LYST: variants seen among roughly 807,000 people sequenced by gnomAD.
LYST encodes lysosomal-trafficking regulator.
LYST carries 192 observed loss-of-function variants against 413.6 expected under a neutral mutation model. The observed-to-expected ratio is 0.46, with a 90% confidence interval of 0.41 to 0.52. The LOEUF (loss-of-function observed/expected upper bound fraction) is 0.52. LYST is among the 20% of genes least tolerant of loss of function. LYST has a pLI of 0.00. For synonymous variants in LYST, 1,525 were observed against 1,567.3 expected, an observed-to-expected ratio of 0.97 and a Z score of 0.64; for missense variants, 3,815 against 4,499.9, an observed-to-expected ratio of 0.85 and a Z score of 4.35.
chr1:235,826,791 C>T (rs1314164745), intron 3 of LYST, among the ~76,000 whole-genome samples: 4 of 152,182 alleles, frequency 2.6e-5, no homozygotes, highest in Non-Finnish European at 5.9e-5. Flanking sequence ...AAGCAATCCT[C>T]TCACCTCAGC....
chr1:235,818,059 C>T (rs1382268318), intron 3 of LYST, among the ~76,000 whole-genome samples: 1 of 152,030 alleles, frequency 6.6e-6, no homozygotes, highest in Non-Finnish European at 1.5e-5. Context: ...AGAAATTTGT[C>T]ATTTCATGAT....
intron 19 of LYST, among the ~76,000 whole-genome samples, chr1:235,772,738 A>T (rs1668835783): frequency 1.3e-5 from 2 of 152,074 alleles, no homozygotes; most frequent in Non-Finnish European, 2.9e-5. Flanking sequence ...AAGTGTATCC[A>T]TTTCCCTCTC....
chr1:235,864,172 T>C (rs1469181227), intron 1 of LYST, among the ~76,000 whole-genome samples: 1 of 152,108 alleles, frequency 6.6e-6, no homozygotes, highest in East Asian at 1.9e-4. Context: ...GTATTCGGAG[T>C]TGAGCCCAGT....
Position 235,741,538 on chromosome 1 carries a change from G to C in LYST, c.8242C>G (p.Leu2748Val), listed in dbSNP as rs750778817. The stretch of plus-strand genomic sequence containing the variant: ...TGGGCTGGCGACAAAATATGCACTA[G>C]TAGTCTCCCAAGCTGCATTCGGAAG... The part of the protein sequence containing the change: ...ETFRMQLGRL[L>V]VHILSPAHAA... The change falls in exon 31 of 53, where the codon CTA becomes GTA. Residue 2748 changes from leucine (L) to valine (V), a missense_variant. Around this residue, in one of 4 missense-constraint regions of LYST, gnomAD observed 771 missense variants for 837.1 expected, o/e 0.92. Coordinates refer to ENST00000389793, the MANE Select transcript of LYST (RefSeq NM_000081.4). 1.3e-5 allele frequency: 21 copies of C among 1,613,918 alleles called. No individual in the cohort carries two copies. Among genetic ancestry groups the C allele is most frequent in the Non-Finnish European group, 1.1e-5 (13 of 1,179,856 alleles).
intron 10 of LYST, among the ~76,000 whole-genome samples, chr1:235,797,269 T>G (rs1308134344): frequency 6.6e-6 from 1 of 152,196 alleles, no homozygotes; most frequent in Non-Finnish European, 1.5e-5. Flanking sequence ...CACAATGGAA[T>G]GTTATTTCAG....
In LYST at chr1:235,766,066, T is replaced by C. The variant is rs1337106894; in HGVS notation, c.6121+13A>G. ...GGAAATAGCCATGATCTAACAAAAA[T>C]GATTATACCTACCTATGTGCAAAGA... On this transcript the variant is annotated intron_variant, in intron 21 of 52. Coordinates refer to ENST00000389793, the MANE Select transcript of LYST (RefSeq NM_000081.4). 1 of 1,595,082 alleles carries C rather than the reference T, an allele frequency of 6.3e-7. No homozygotes were observed. The highest frequency in any genetic ancestry group is 2.2e-5 in the East Asian group (1 of 44,752).
intron 31 of LYST, among the ~76,000 whole-genome samples, chr1:235,741,016 T>C (rs1665346795): frequency 6.6e-6 from 1 of 152,224 alleles, no homozygotes; most frequent in Non-Finnish European, 1.5e-5. Flanking sequence ...AATTTTTATC[T>C]ATTTTAACTG....
Position 235,805,826 on chromosome 1 carries a change from G to A in LYST, c.3310C>T (p.Arg1104Ter), listed in dbSNP as rs80338652. The change falls in exon 6 of 53, where the codon CGA becomes TGA. Residue 1104 changes from arginine (R) to a stop codon, truncating the protein, a stop_gained. Coordinates refer to ENST00000389793, the MANE Select transcript of LYST (RefSeq NM_000081.4). LOFTEE classifies it high-confidence loss of function. ...ATGGCCAGAAGGGCTTCCAAAAGTCGTATACTTTGAAGTGAGGTCTCACTT... is the reference window on the plus strand; with the variant it reads ...ATGGCCAGAAGGGCTTCCAAAAGTCATATACTTTGAAGTGAGGTCTCACTT... The part of the protein sequence containing the change: ...QESETSLQSI[R>*]LLEALLAICL... 6.2e-6 allele frequency: 10 copies of A among 1,613,426 alleles called. No homozygotes were observed. Among genetic ancestry groups the A allele is most frequent in the African/African-American group, 2.7e-5 (2 of 74,854 alleles).
At chr1:235,802,769 G>T in intron 8 of LYST, 139 bp downstream of exon 8, 1 of 760,986 alleles carries the variant, frequency 1.3e-6, no homozygotes, top group Non-Finnish European at 2.2e-6. Context: ...CTGTTGGGAA[G>T]ATCAATAAAA....
chr1:235,752,126 T>C lies in LYST; in HGVS notation c.7506A>G (p.Gln2502=), dbSNP rs140434436. Residue 2502 remains glutamine, a synonymous_variant, in exon 27 of 53, where the codon CAA becomes CAG. Transcript: ENST00000389793. ...CATGAATTGTAACTGCTATGAAAAGTTGCTGTATATCACAAGCAAGCAATT... is the reference window on the plus strand; with the variant it reads ...CATGAATTGTAACTGCTATGAAAAGCTGCTGTATATCACAAGCAAGCAATT... ...EYKLLACDIQ[Q]LFIAVTIHAC... is the part of the protein sequence containing the mutation. The C allele has an allele frequency of 8.3e-4, 1,337 of 1,612,156 alleles. 3 individuals carry two copies. In the Middle Eastern group the frequency reaches 0.01, roughly 12 times the overall value.
chr1:235,793,673 A>C (rs577966607), intron 10 of LYST, 61 bp from the exon 11 acceptor site: 2 of 860,266 alleles, frequency 2.3e-6, no homozygotes, highest in Non-Finnish European at 3.9e-6. Context: ...ATAAATGAGC[A>C]ATTTCACCAA....
chr1:235,722,807 T>G (rs973740978), intron 39 of LYST, among the ~76,000 whole-genome samples: 2 of 152,170 alleles, frequency 1.3e-5, no homozygotes, highest in Admixed American at 6.5e-5. Flanking sequence ...AACTACTTCG[T>G]TTCAGTCATT....
At position 235,792,038 on chromosome 1, in the gene LYST, C is replaced by A. The variant is rs199768620; in HGVS notation, c.4204G>T (p.Ala1402Ser). 1 of 1,613,674 alleles carries A rather than the reference C, an allele frequency of 6.2e-7. No homozygotes were observed. Among genetic ancestry groups the A allele is most frequent in the South Asian group, 1.1e-5 (1 of 91,068 alleles). Residue 1402 changes from alanine to serine, a missense_variant, in exon 12 of 53, where the codon GCT (alanine) becomes TCT (serine). By Grantham distance (99) the Ala-to-Ser change is moderately conservative. Coordinates refer to ENST00000389793, the MANE Select transcript of LYST (RefSeq NM_000081.4). The stretch of plus-strand genomic sequence containing the variant: ...GAAACACCGTTGCTTAAATTTGGAG[C>A]GTGCAGTAAAGGGAAGGTTAGATAC... ...SQYLTFPLLHAPNLSNGVSSQ... is the reference protein window; with the variant it reads ...SQYLTFPLLHSPNLSNGVSSQ...
intron 3 of LYST, among the ~76,000 whole-genome samples, chr1:235,813,600 C>T (rs1673692311): frequency 6.6e-6 from 1 of 152,120 alleles, no homozygotes; most frequent in African/African-American, 2.4e-5. Flanking sequence ...TACTGTCTTA[C>T]CCTTTCTGGA....
chr1:235,768,764 C>G (rs2103408468), intron 20 of LYST, among the ~76,000 whole-genome samples: 1 of 151,828 alleles, frequency 6.6e-6, no homozygotes, highest in African/African-American at 2.4e-5. Context: ...GAAAATTGGC[C>G]AATATATTTC....
chr1:235,700,542 G>C (rs1221076439), intron 45 of LYST, among the ~76,000 whole-genome samples: 1 of 152,094 alleles, frequency 6.6e-6, no homozygotes, highest in African/African-American at 2.4e-5. Flanking sequence ...AGCATACCTG[G>C]GTCATCCAGA....
chr1:235,751,072 A>G (rs1235538082), intron 28 of LYST, 138 bp downstream of exon 28: 1 of 811,008 alleles, frequency 1.2e-6, no homozygotes. Flanking sequence ...AAGGAGCAGA[A>G]TAGTTTCCTT....
intron 36 of LYST, among the ~76,000 whole-genome samples, chr1:235,729,916 AAG>A (rs1664215287): frequency 1.3e-5 from 2 of 152,254 alleles, no homozygotes; most frequent in South Asian, 4.1e-4. Flanking sequence ...AGTTATTTAA[AAG>A]AGATATCAAT....
At chr1:235,743,908 T>C in intron 30 of LYST, 71 bp downstream of exon 30, 1 of 881,774 alleles carries the variant, frequency 1.1e-6, no homozygotes, top group South Asian at 1.4e-5. Context: ...TGAAAACGTA[T>C]AATACAGTCA....
Sources: gnomAD v4.1 joint callset for allele counts (sites outside exome capture counted in the v4.1 genomes callset) on GRCh38, gnomAD v4.1.1 for gene constraint, gnomAD v4.1.1 regional missense constraint, MANE v1.5 for transcripts, NCBI Gene and HGNC (gene_info 2026-07-23, HGNC 2026-07-21) for gene names.